Variants in GRWD1 observed in about 807,000 individuals in gnomAD.
The protein encoded by GRWD1 is glutamate rich WD repeat containing 1.
A neutral mutation model predicts 45.3 loss-of-function variants in GRWD1; 29 were observed. The ratio of observed to expected loss-of-function variants is 0.64; its 90% confidence interval spans 0.48 to 0.87. The LOEUF is 0.87. Ranked by LOEUF, GRWD1 falls within the 40% of genes least tolerant of loss-of-function variation. GRWD1 has a pLI of 0.00. For missense variants in GRWD1, 592 were observed against 618.8 expected, an observed-to-expected ratio of 0.96 and a Z score of 0.46; for synonymous variants, 262 against 257.6, an observed-to-expected ratio of 1.02 and a Z score of -0.16.
chr19:48,455,380 T>G lies in GRWD1; in HGVS notation c.*2355T>G, dbSNP rs1395092077. On this transcript the variant is annotated 3_prime_UTR_variant, in exon 7 of 7. Transcript: ENST00000253237. ...TTTCGGAAGAGTGAGAGTGTTGATT[T>G]GGGAGGGTGAGGGTGGGGCCTGGGG... 6.9e-6 allele frequency: 1 copy of G among 144,054 alleles called. No homozygotes were observed. Among genetic ancestry groups the G allele is most frequent in the African/African-American group, 2.5e-5 (1 of 40,054 alleles). The allele number at this position is 144,054 out of a possible 1,614,324, so 8.9% of individuals were successfully genotyped here. A position where few individuals can be genotyped will look rare whatever the true frequency, so the allele number is the denominator to read the frequency against.
chr19:48,452,846 G>T lies in GRWD1; in HGVS notation c.1162G>T (p.Asp388Tyr). ...ACAGTGGGACCTGGCAGTGGAGCGG[G>T]ACCCTGAGGCGGGCGACGTGGAGGC... is the stretch of plus-strand genomic sequence containing the variant. ...ITQWDLAVER[D>Y]PEAGDVEADP... Residue 388 changes from aspartate (D) to tyrosine (Y), a missense_variant, in exon 7 of 7, where the codon GAC becomes TAC. By Grantham distance (160) the Asp-to-Tyr change is radical. Coordinates refer to ENST00000253237, the MANE Select transcript of GRWD1 (RefSeq NM_031485.4). The surrounding 1 kb of genome is among the most constrained non-coding windows in gnomAD (Gnocchi z 5.1). The T allele has an allele frequency of 6.2e-7, 1 of 1,613,554 alleles. No homozygotes were observed. Among genetic ancestry groups the T allele is most frequent in the Non-Finnish European group, 8.5e-7 (1 of 1,179,864 alleles).
At chr19:48,449,593 C>G (rs987270618) in intron 3 of GRWD1, among the ~76,000 whole-genome samples, 2 of 152,172 alleles carry the variant, frequency 1.3e-5, no homozygotes, top group Admixed American at 6.5e-5. Context: ...AAAGCTGATG[C>G]AGAAGGATCG....
In GRWD1 at chr19:48,452,388, G is replaced by A. The variant is rs959070622; in HGVS notation, c.1024-320G>A. Among the ~76,000 whole-genome samples, 7 of 151,820 alleles carry A rather than the reference G, an allele frequency of 4.6e-5. No homozygotes were observed. Among genetic ancestry groups the A allele is most frequent in the African/African-American group, 9.7e-5 (4 of 41,328 alleles). On this transcript the variant is annotated intron_variant, in intron 6 of 6. Transcript: ENST00000253237. The surrounding 1 kb of genome is among the most constrained non-coding windows in gnomAD (Gnocchi z 5.1). ...GCTGAGATTACAGTCGTGAGCCACC[G>A]CACCCAGCCCATGCCCTCCTTTTAC...
chr19:48,452,053 G>A lies in GRWD1; in HGVS notation c.1024-655G>A, dbSNP rs1283837492. Among the ~76,000 whole-genome samples, 1 of 151,994 alleles carries A rather than the reference G, an allele frequency of 6.6e-6. No individual in the cohort carries two copies. The highest frequency in any genetic ancestry group is 1.9e-4 in the East Asian group (1 of 5,188). ...CTTTGAGGCCTTTGTAGAATCTGCT[G>A]GGAGAGCTCTGGGAGAGCCATGCCC... On this transcript the variant is annotated intron_variant, in intron 6 of 6. Transcript: ENST00000253237. This position sits in a 1 kb window ranked among gnomAD's most constrained non-coding sequence, Gnocchi z 5.1.
At chr19:48,448,765 T>G (rs879352916) in intron 3 of GRWD1, among the ~76,000 whole-genome samples, 2 of 151,904 alleles carry the variant, frequency 1.3e-5, no homozygotes, top group Non-Finnish European at 2.9e-5. Context: ...GAAGCGGGAG[T>G]GTCCAGTCTG....
chr19:48,450,415 C>G lies in GRWD1; in HGVS notation c.571C>G (p.Gln191Glu). 1 of 1,614,032 alleles carries G rather than the reference C, an allele frequency of 6.2e-7. No homozygotes were observed. Among genetic ancestry groups the G allele is most frequent in the Non-Finnish European group, 8.5e-7 (1 of 1,180,020 alleles). ...GCTTCTGCAGGTGGTGGAGGAGCCC[C>G]AGGCCCTGGCAGCCTTCCTCCGGGA... Reference protein sequence around the residue: ...RRLLQVVEEPQALAAFLRDEQ... With the variant: ...RRLLQVVEEPEALAAFLRDEQ... The change falls in exon 4 of 7, where the codon CAG (glutamine) becomes GAG (glutamate). Residue 191 changes from glutamine (Q) to glutamate (E), a missense_variant. Gln to Glu is a conservative substitution (Grantham distance 29, BLOSUM62 2). Coordinates refer to ENST00000253237, the MANE Select transcript of GRWD1 (RefSeq NM_031485.4). The surrounding 1 kb of genome is among the most constrained non-coding windows in gnomAD (Gnocchi z 5.1).
intron 6 of GRWD1, among the ~76,000 whole-genome samples, chr19:48,451,603 CT>C (rs1971476599): frequency 6.6e-6 from 1 of 152,152 alleles, no homozygotes; most frequent in South Asian, 2.1e-4. Context: ...GCCCAGCCTG[CT>C]CGTTGTAGGA....
At position 48,450,594 on chromosome 19, in the gene GRWD1, C is replaced by A; in HGVS notation, c.682+68C>A. On this transcript the variant is annotated intron_variant, in intron 4 of 6. Transcript: ENST00000253237. The surrounding 1 kb of genome is among the most constrained non-coding windows in gnomAD (Gnocchi z 5.1). ...GCAGGGTCTGCAACAAGGGGCCGGG[C>A]GCTTAGACTCCAAGGAGGGGAGCGA... 6.2e-7 allele frequency: 1 copy of A among 1,609,178 alleles called. No individual in the cohort carries two copies. Among genetic ancestry groups the A allele is most frequent in the Non-Finnish European group, 8.5e-7 (1 of 1,177,026 alleles).
In GRWD1 at chr19:48,453,196, A is replaced by C; in HGVS notation, c.*171A>C. 1 of 593,112 alleles carries C rather than the reference A, an allele frequency of 1.7e-6. No individual in the cohort carries two copies. The highest frequency in any genetic ancestry group is 2.9e-6 in the Non-Finnish European group (1 of 344,604). The allele number at this position is 593,112 out of a possible 1,614,324, so 36.7% of individuals were successfully genotyped here. ...TAGAAGGCCTGGCTCTGATCCAGTG[A>C]CCCCTCTCACCAAAGAACTCGGTTT... On this transcript the variant is annotated 3_prime_UTR_variant, in exon 7 of 7. Coordinates refer to ENST00000253237, the MANE Select transcript of GRWD1 (RefSeq NM_031485.4).
rs1196930187 is a variant in GRWD1, at chr19:48,456,997, T to G, written c.*3972T>G. ...GAGCCACCGCACCTGCCCTCTTTTT[T>G]TTTTTTTTTTCTTTAAGAGATAGGG... On this transcript the variant is annotated 3_prime_UTR_variant, in exon 7 of 7. Transcript: ENST00000253237. 6.6e-6 allele frequency: 1 copy of G among 151,280 alleles called. No individual in the cohort carries two copies. The highest frequency in any genetic ancestry group is 6.6e-5 in the Admixed American group (1 of 15,188). The allele number at this position is 151,280 out of a possible 1,614,324, so 9.4% of individuals were successfully genotyped here.
chr19:48,453,096 T>A lies in GRWD1; in HGVS notation c.*71T>A. ...TCGAATTGGGCTCCCCTGGAAGGGG[T>A]TCATTCAGGTCTGTTGACTGAGACT... On this transcript the variant is annotated 3_prime_UTR_variant, in exon 7 of 7. Coordinates refer to ENST00000253237, the MANE Select transcript of GRWD1 (RefSeq NM_031485.4). 7.2e-7 allele frequency: 1 copy of A among 1,382,192 alleles called. No individual in the cohort carries two copies. Among genetic ancestry groups the A allele is most frequent in the Non-Finnish European group, 9.9e-7 (1 of 1,014,552 alleles). 85.6% of individuals were successfully genotyped at this position (1,382,192 alleles called of 1,614,324 possible).
In GRWD1 at chr19:48,451,070, A is replaced by C. The variant is rs752263846; in HGVS notation, c.862A>C (p.Ile288Leu). The C allele has an allele frequency of 2.5e-6, 4 of 1,613,904 alleles. No homozygotes were observed. The African/African-American group carries it at 4.0e-5, about 16-fold the overall frequency. Reference protein sequence around the residue: ...ASCSADASIRIWDIRAAPSKA... With the variant: ...ASCSADASIRLWDIRAAPSKA... ...CTGCTCAGCTGACGCCTCCATCCGC[A>C]TCTGGGACATCCGGGCAGCCCCCAG... The change falls in exon 6 of 7, where the codon ATC (isoleucine) becomes CTC (leucine). Residue 288 changes from isoleucine to leucine, a missense_variant. Transcript: ENST00000253237.
Position 48,456,820 on chromosome 19 carries a change from T to A in GRWD1, c.*3795T>A, listed in dbSNP as rs1971544060. 1 of 151,940 alleles carries A rather than the reference T, an allele frequency of 6.6e-6. No homozygotes were observed. The highest frequency in any genetic ancestry group is 1.5e-5 in the Non-Finnish European group (1 of 67,986). The allele number at this position is 151,940 out of a possible 1,614,324, so 9.4% of individuals were successfully genotyped here. The stretch of plus-strand genomic sequence containing the variant: ...ACCCTGACAGGCTGCTGCGATTCCC[T>A]CCATTTCTTTTCTTCCTTTATTTTT... On this transcript the variant is annotated 3_prime_UTR_variant, in exon 7 of 7. Coordinates refer to ENST00000253237, the MANE Select transcript of GRWD1 (RefSeq NM_031485.4).
intron 3 of GRWD1, among the ~76,000 whole-genome samples, chr19:48,449,096 CT>C (rs1269020011): frequency 1.3e-4 from 20 of 149,046 alleles, no homozygotes; most frequent in East Asian, 5.9e-4. Context: ...TGGAAGTGAG[CT>C]TTTTTTTTTA....
chr19:48,447,234 C>T (rs2147482447), intron 3 of GRWD1, among the ~76,000 whole-genome samples: 1 of 151,752 alleles, frequency 6.6e-6, no homozygotes, highest in Middle Eastern at 3.4e-3. Flanking sequence ...CCACCAGGCC[C>T]TTCTAATTTT....
chr19:48,454,382 T>A lies in GRWD1; in HGVS notation c.*1357T>A, dbSNP rs1403898104. On this transcript the variant is annotated 3_prime_UTR_variant, in exon 7 of 7. Coordinates refer to ENST00000253237, the MANE Select transcript of GRWD1 (RefSeq NM_031485.4). ...GCTCTGCCTGGCTGGCCTCCCTGGC[T>A]CCCCCTCTGCGGCTCTGAGCTAGCC... 2 of 151,746 alleles carry A rather than the reference T, an allele frequency of 1.3e-5. No individual in the cohort carries two copies. Among genetic ancestry groups the A allele is most frequent in the African/African-American group, 4.9e-5 (2 of 40,958 alleles). 9.4% of individuals were successfully genotyped at this position (151,746 alleles called of 1,614,324 possible). A position where few individuals can be genotyped will look rare whatever the true frequency, so the allele number is the denominator to read the frequency against.
At chr19:48,449,322 C>A (rs1481977195) in intron 3 of GRWD1, among the ~76,000 whole-genome samples, 2 of 152,142 alleles carry the variant, frequency 1.3e-5, no homozygotes, top group African/African-American at 2.4e-5. Flanking sequence ...TCGCTCCTGA[C>A]CTCAGGCAGT....
chr19:48,447,384 A>C (rs1393402551), intron 3 of GRWD1, among the ~76,000 whole-genome samples: 1 of 152,080 alleles, frequency 6.6e-6, no homozygotes, highest in African/African-American at 2.4e-5. Flanking sequence ...CTGAGATTAC[A>C]GGTGCGCGCC....
rs531568217 is a variant in GRWD1 at position 48,451,894 on chromosome 19, G to A, written c.1023+663G>A. ...CACCAGGTCACACAGGGCCCAGCTT[G>A]TTGACCATTGGAACTTCAGAGCAGC... is the stretch of plus-strand genomic sequence containing the variant. On this transcript the variant is annotated intron_variant, in intron 6 of 6. Transcript: ENST00000253237. 9.2e-5 allele frequency among the ~76,000 whole-genome samples: 14 copies of A among 152,292 alleles called. No homozygotes were observed. In the South Asian group the frequency reaches 1.2e-3, roughly 14 times the overall value.
Sources: gnomAD v4.1 joint callset for allele counts (sites outside exome capture counted in the v4.1 genomes callset) on GRCh38, gnomAD v4.1.1 for gene constraint, Gnocchi (gnomAD v3.1) non-coding constraint, MANE v1.5 for transcripts, NCBI Gene and HGNC (gene_info 2026-07-23, HGNC 2026-07-21) for gene names.